PARD3: variants seen among roughly 807,000 people sequenced by gnomAD.
PARD3 encodes the protein par-3 family cell polarity regulator.
A neutral mutation model predicts 155.4 loss-of-function variants in PARD3; 75 were observed. The observed-to-expected ratio is 0.48, with a 90% CI of 0.40 to 0.58. The LOEUF (loss-of-function observed/expected upper bound fraction) is 0.58. Ranked by LOEUF, PARD3 falls within the 20% of genes least tolerant of loss-of-function variation. PARD3 has a pLI of 0.00. For synonymous variants in PARD3, 576 were observed against 610.5 expected (o/e 0.94, Z 0.83); for missense variants, 1,642 against 1,721.7 (o/e 0.95, Z 0.82).
chr10:34,750,691 A>ATTTTT (rs10643701), intron 1 of PARD3, among the ~76,000 whole-genome samples: 4 of 143,704 alleles, frequency 2.8e-5, no homozygotes, highest in Admixed American at 7.0e-5. Context: ...TGACATAACA[A>ATTTTT]TTTTTTTTTT....
chr10:34,589,055 CTCTT>C (rs1377777477), intron 2 of PARD3, among the ~76,000 whole-genome samples: 1 of 152,156 alleles, frequency 6.6e-6, no homozygotes, highest in East Asian at 1.9e-4. Context: ...CTGTCTCTCT[CTCTT>C]TCTACTATGT....
intron 22 of PARD3, among the ~76,000 whole-genome samples, chr10:34,264,950 T>C (rs1005989016): frequency 1.1e-4 from 16 of 152,146 alleles, no homozygotes; most frequent in African/African-American, 3.4e-4. Flanking sequence ...GGGGTCTCAC[T>C]TTGTTGCCTA....
chr10:34,151,992 T>C (rs1414616140), intron 22 of PARD3, among the ~76,000 whole-genome samples: 2 of 152,188 alleles, frequency 1.3e-5, no homozygotes, highest in Non-Finnish European at 2.9e-5. Flanking sequence ...CAAATGAACA[T>C]GCTAATAACT....
chr10:34,363,190 A>G (rs1358709896), intron 12 of PARD3, among the ~76,000 whole-genome samples: 2 of 152,172 alleles, frequency 1.3e-5, no homozygotes, highest in Non-Finnish European at 2.9e-5. Flanking sequence ...TACAATTCTC[A>G]TATTTTTCCT....
At chr10:34,350,502 C>T (rs1037325517) in intron 14 of PARD3, among the ~76,000 whole-genome samples, 11 of 152,026 alleles carry the variant, frequency 7.2e-5, no homozygotes, top group African/African-American at 1.9e-4. Context: ...GGTGTGGTGG[C>T]GGGCACCTGT....
intron 21 of PARD3, among the ~76,000 whole-genome samples, chr10:34,279,141 CTT>C (rs143467605): frequency 4.9e-5 from 5 of 102,028 alleles, no homozygotes; most frequent in East Asian, 2.7e-4. Flanking sequence ...ATATTTTTTC[CTT>C]TTTTTTTTTT....
chr10:34,483,444 T>C (rs1014038394), intron 3 of PARD3, among the ~76,000 whole-genome samples: 1 of 135,148 alleles, frequency 7.4e-6, no homozygotes, highest in Non-Finnish European at 1.5e-5. Context: ...TTCATGCCAC[T>C]GCACTCAAGC....
At chr10:34,688,514 G>C (rs190162150) in intron 2 of PARD3, among the ~76,000 whole-genome samples, 1 of 152,218 alleles carries the variant, frequency 6.6e-6, no homozygotes, top group African/African-American at 2.4e-5. Context: ...AGAAAACTGA[G>C]ACTGAGATGC....
intron 5 of PARD3, among the ~76,000 whole-genome samples, chr10:34,450,032 C>A (rs2076974006): frequency 6.6e-6 from 1 of 152,188 alleles, no homozygotes. Flanking sequence ...TGATTCACTG[C>A]CAAACATCTG....
At chr10:34,277,270 G>A (rs1227810838) in intron 21 of PARD3, among the ~76,000 whole-genome samples, 1 of 152,102 alleles carries the variant, frequency 6.6e-6, no homozygotes, top group East Asian at 1.9e-4. Context: ...ACCATGGAAG[G>A]CTTTATTGGG....
At chr10:34,300,654 G>A (rs1401764111) in intron 20 of PARD3, among the ~76,000 whole-genome samples, 1 of 151,806 alleles carries the variant, frequency 6.6e-6, no homozygotes, top group Non-Finnish European at 1.5e-5. Context: ...AAATGGCAGG[G>A]CTGGGGGCAA....
At chr10:34,786,880 G>C (rs192394202) in intron 1 of PARD3, among the ~76,000 whole-genome samples, 11 of 152,252 alleles carry the variant, frequency 7.2e-5, no homozygotes, top group Admixed American at 6.5e-4. Context: ...AGTTCAAAGA[G>C]ATCATTATTT....
chr10:34,733,655 T>C (rs2094858194), intron 1 of PARD3, among the ~76,000 whole-genome samples: 1 of 152,174 alleles, frequency 6.6e-6, no homozygotes, highest in South Asian at 2.1e-4. Context: ...AGCTAATTTT[T>C]ATATTTTTAG....
chr10:34,738,564 G>A lies in PARD3; in HGVS notation c.121-42145C>T, dbSNP rs115829380. ...TAAAATGGAAGAAAAGCCAACATACGGAGACCCCATCTCTACACATAATTT... is the reference window on the plus strand; with the variant it reads ...TAAAATGGAAGAAAAGCCAACATACAGAGACCCCATCTCTACACATAATTT... On this transcript the variant is annotated intron_variant, in intron 1 of 24. Coordinates refer to ENST00000374788, the MANE Select transcript of PARD3 (RefSeq NM_001184785.2). Among the ~76,000 whole-genome samples the A allele has an allele frequency of 2.2e-3, 336 of 151,342 alleles. 4 individuals carry two copies. Among genetic ancestry groups the A allele is most frequent in the African/African-American group, 7.3e-3 (300 of 41,244 alleles).
chr10:34,612,047 CG>C (rs2090947683), intron 2 of PARD3, among the ~76,000 whole-genome samples: 1 of 151,060 alleles, frequency 6.6e-6, no homozygotes, highest in Non-Finnish European at 1.5e-5. Context: ...AGGATGGTCT[CG>C]ATCCCCTCAC....
chr10:34,120,183 ATTTTTTTTT>A (rs57670906), intron 23 of PARD3, among the ~76,000 whole-genome samples: 296 of 113,668 alleles, frequency 2.6e-3, no homozygotes, highest in African/African-American at 8.7e-3. Context: ...TGCCTGGCTA[ATTTTTTTTT>A]TTTTTTTTTT....
rs564595394 is a variant in PARD3, at chr10:34,703,057, G to T, written c.121-6638C>A. 1.0e-3 allele frequency among the ~76,000 whole-genome samples: 155 copies of T among 152,122 alleles called. 1 individual carries two copies. Among genetic ancestry groups the T allele is most frequent in the African/African-American group, 3.6e-3 (151 of 41,506 alleles). On this transcript the variant is annotated intron_variant, in intron 1 of 24. Coordinates refer to ENST00000374788, the MANE Select transcript of PARD3 (RefSeq NM_001184785.2). ...AGAAAGAAAGAAACGTGGTGAGAGA[G>T]AATTTTTTTAAAAAAAGTATTTTGG...
chr10:34,432,375 CAG>C (rs1554855746), intron 5 of PARD3, among the ~76,000 whole-genome samples: 1 of 139,594 alleles, frequency 7.2e-6, no homozygotes, highest in Non-Finnish European at 1.6e-5. Flanking sequence ...CACACACACA[CAG>C]AGGAGTAAAG....
chr10:34,689,670 AAAAG>A (rs1185202532), intron 2 of PARD3, among the ~76,000 whole-genome samples: 2 of 152,224 alleles, frequency 1.3e-5, no homozygotes, highest in African/African-American at 4.8e-5. Context: ...GAAATATGAT[AAAAG>A]ATTCTAGAAA....
Sources: allele counts gnomAD v4.1 joint callset (sites outside exome capture counted in the v4.1 genomes callset), GRCh38; gene constraint gnomAD v4.1.1; transcripts MANE v1.5; gene names NCBI Gene and HGNC (gene_info 2026-07-23, HGNC 2026-07-21).